RIC1: variants seen among roughly 807,000 people sequenced by gnomAD.
RIC1 encodes guanine nucleotide exchange factor subunit RIC1.
RIC1 carries 88 observed loss-of-function variants against 169.0 expected under a neutral mutation model. That is an observed-to-expected ratio of 0.52 (90% CI 0.44 to 0.62). RIC1 has a LOEUF of 0.62. Among genes scored for constraint, RIC1 ranks in the 20% least tolerant of loss-of-function variants. The pLI is 0.00. For missense variants in RIC1, 1,877 were observed against 1,725.5 expected, an observed-to-expected ratio of 1.09 and a Z score of -1.56; for synonymous variants, 790 against 601.5, an observed-to-expected ratio of 1.31 and a Z score of -4.59.
At chr9:5,687,682 A>G (rs1368012292) in intron 2 of RIC1, among the ~76,000 whole-genome samples, 3 of 152,320 alleles carry the variant, frequency 2.0e-5, no homozygotes, top group Admixed American at 1.3e-4. Flanking sequence ...AACATATATT[A>G]TACACATTTT....
At chr9:5,709,699 T>C (rs1822819490) in intron 3 of RIC1, among the ~76,000 whole-genome samples, 1 of 152,186 alleles carries the variant, frequency 6.6e-6, no homozygotes, top group African/African-American at 2.4e-5. Flanking sequence ...CTTATCAAAT[T>C]ATAGTTGAAT....
intron 6 of RIC1, among the ~76,000 whole-genome samples, chr9:5,725,997 T>A (rs1006932104): frequency 3.3e-5 from 5 of 152,170 alleles, no homozygotes; most frequent in Non-Finnish European, 4.4e-5. Flanking sequence ...TTGGAATAAG[T>A]GTGATGTGGT....
At chr9:5,663,154 A>G (rs145532967) in intron 2 of RIC1, among the ~76,000 whole-genome samples, 3 of 152,200 alleles carry the variant, frequency 2.0e-5, no homozygotes, top group African/African-American at 7.2e-5. Flanking sequence ...GAATTTCTTA[A>G]TTCTTCTGAG....
intron 6 of RIC1, among the ~76,000 whole-genome samples, chr9:5,730,884 A>T (rs1338972420): frequency 1.3e-5 from 2 of 152,138 alleles, no homozygotes; most frequent in Non-Finnish European, 2.9e-5. Flanking sequence ...CTCTTACCAC[A>T]TATACTACTT....
In RIC1 at chr9:5,656,576, C is replaced by A; in HGVS notation, c.145-7C>A. ...AATACAACTTTTTTTTTTTTTTAAT[C>A]ACACAGCCTAGTGTGTTAATTGTAA... On this transcript the variant is annotated splice_polypyrimidine_tract_variant and splice_region_variant and intron_variant, in intron 1 of 25. Transcript: ENST00000414202. 7.4e-6 allele frequency: 10 copies of A among 1,344,396 alleles called. No individual in the cohort carries two copies. Among genetic ancestry groups the A allele is most frequent in the African/African-American group, 1.5e-5 (1 of 65,186 alleles). 83.3% of individuals were successfully genotyped at this position (1,344,396 alleles called of 1,614,324 possible).
chr9:5,777,460 G>C (rs1025718159), downstream of RIC1, among the ~76,000 whole-genome samples: 1 of 151,014 alleles, frequency 6.6e-6, no homozygotes, highest in African/African-American at 2.4e-5. Context: ...CTTAGACTGA[G>C]TGTTGTCAGC....
Position 5,746,544 on chromosome 9 carries a change from A to T in RIC1, c.1248+461A>T, listed in dbSNP as rs1413279311. On this transcript the variant is annotated intron_variant, in intron 11 of 25. Transcript: ENST00000414202. ...TAAATATGCCATTGTGCATCATGAAAATCCAGGAGGTGGTATATTAAAAAC... is the reference window on the plus strand; with the variant it reads ...TAAATATGCCATTGTGCATCATGAATATCCAGGAGGTGGTATATTAAAAAC... Among the ~76,000 whole-genome samples the T allele has an allele frequency of 3.9e-5, 6 of 152,124 alleles. No individual in the cohort carries two copies. The East Asian group carries it at 1.2e-3, about 29-fold the overall frequency.
In RIC1 at chr9:5,681,500, C is replaced by G. The variant is rs952561101; in HGVS notation, c.253-8459C>G. Reference sequence around the variant, plus strand: ...AGTTCTAGTTTGATTGCACTATGGTCTGACAGACAGTTTGTTATAATTTCT... The same window carrying G: ...AGTTCTAGTTTGATTGCACTATGGTGTGACAGACAGTTTGTTATAATTTCT... On this transcript the variant is annotated intron_variant, in intron 2 of 25. Coordinates refer to ENST00000414202, the MANE Select transcript of RIC1 (RefSeq NM_020829.4). Among the ~76,000 whole-genome samples the G allele has an allele frequency of 5.3e-5, 8 of 152,338 alleles. No homozygotes were observed. The South Asian group carries it at 8.3e-4, about 16-fold the overall frequency.
intron 23 of RIC1, among the ~76,000 whole-genome samples, 170 bp downstream of exon 23, chr9:5,770,448 G>A (rs1159830766): frequency 6.6e-6 from 1 of 152,148 alleles, no homozygotes; most frequent in Non-Finnish European, 1.5e-5. Flanking sequence ...GGCCTTGACT[G>A]TACTTTGCCA....
chr9:5,749,125 A>T (rs1018092174), intron 12 of RIC1, among the ~76,000 whole-genome samples: 7 of 152,236 alleles, frequency 4.6e-5, no homozygotes, highest in Admixed American at 6.5e-5. Context: ...TGACTTGTCC[A>T]GTTCACCCAG....
intron 2 of RIC1, among the ~76,000 whole-genome samples, chr9:5,680,914 C>T (rs1262918958): frequency 6.8e-6 from 1 of 146,146 alleles, no homozygotes; most frequent in Non-Finnish European, 1.5e-5. Flanking sequence ...GCAAGCTCCG[C>T]CTCCCGGGTT....
At chr9:5,665,282 A>C (rs1390285560) in intron 2 of RIC1, among the ~76,000 whole-genome samples, 2 of 152,108 alleles carry the variant, frequency 1.3e-5, no homozygotes, top group Non-Finnish European at 2.9e-5. Context: ...AAAGTCTCCC[A>C]CTATTATTGT....
At chr9:5,636,200 G>A (rs1817962932) in intron 1 of RIC1, among the ~76,000 whole-genome samples, 1 of 152,150 alleles carries the variant, frequency 6.6e-6, no homozygotes. Flanking sequence ...AAGATATCCA[G>A]CCATTTATTT....
chr9:5,679,329 T>C (rs1301373147), intron 2 of RIC1, among the ~76,000 whole-genome samples: 2 of 152,146 alleles, frequency 1.3e-5, no homozygotes, highest in Non-Finnish European at 2.9e-5. Flanking sequence ...GCAGGCTCTT[T>C]TTTGGTTCCA....
intron 9 of RIC1, 25 bp downstream of exon 9, chr9:5,743,038 G>C (rs760462978): frequency 2.5e-6 from 4 of 1,594,446 alleles, no homozygotes; most frequent in Admixed American, 1.8e-5. Flanking sequence ...ACAATTTTTA[G>C]ATAAAATAAC....
chr9:5,744,325 AG>A (rs1587090567), intron 10 of RIC1, among the ~76,000 whole-genome samples: 2 of 152,134 alleles, frequency 1.3e-5, no homozygotes, highest in East Asian at 1.9e-4. Flanking sequence ...GCATTACTTG[AG>A]GATATCTGTA....
rs1586933319 is a variant in RIC1 at position 5,680,191 on chromosome 9, C to T, written c.253-9768C>T. On this transcript the variant is annotated intron_variant, in intron 2 of 25. Transcript: ENST00000414202. ...CAGCCTTGCATCCCAGGGATGAAGC[C>T]CACTTGATCATGGTGGATAAGCTTT... 2.6e-5 allele frequency among the ~76,000 whole-genome samples: 4 copies of T among 152,198 alleles called. No homozygotes were observed. In the East Asian group the frequency reaches 7.7e-4, roughly 29 times the overall value.
chr9:5,760,157 G>GT (rs1275383958), intron 17 of RIC1, among the ~76,000 whole-genome samples: 1 of 152,168 alleles, frequency 6.6e-6, no homozygotes, highest in Non-Finnish European at 1.5e-5. Context: ...CAGCAAGATA[G>GT]TCTCTCCATG....
chr9:5,690,087 T>A (rs1256294869), intron 3 of RIC1, 49 bp downstream of exon 3: 1 of 1,255,344 alleles, frequency 8.0e-7, no homozygotes, highest in Non-Finnish European at 1.1e-6. Flanking sequence ...GCATACTTTA[T>A]ATTCAGAAAA....
Sources: gnomAD v4.1 joint callset for allele counts (sites outside exome capture counted in the v4.1 genomes callset) on GRCh38, gnomAD v4.1.1 for gene constraint, MANE v1.5 for transcripts, NCBI Gene and HGNC (gene_info 2026-07-23, HGNC 2026-07-21) for gene names.